TMC6: variants seen among roughly 807,000 people sequenced by gnomAD.
TMC6 encodes the protein transmembrane channel like 6, also known as transmembrane channel-like protein 6.
In TMC6, 71 loss-of-function variants were observed where a neutral mutation model predicts 95.4. The observed-to-expected ratio is 0.74, with a 90% CI of 0.61 to 0.91. TMC6 has a LOEUF of 0.91. Ranked by LOEUF, TMC6 falls within the 40% of genes least tolerant of loss-of-function variation. The pLI is 0.00. For missense variants in TMC6, 1,074 were observed against 1,079.1 expected (o/e 1.00, Z 0.07); for synonymous variants, 514 against 483.1 (o/e 1.06, Z -0.84).
intron 1 of TMC6, among the ~76,000 whole-genome samples, chr17:78,127,521 G>A (rs1050917516): frequency 6.6e-6 from 1 of 152,198 alleles, no homozygotes; most frequent in African/African-American, 2.4e-5. Context: ...CCGGCTGGGG[G>A]TGGCCAGGAC....
In TMC6 at chr17:78,125,845, C is replaced by A; in HGVS notation, c.311G>T (p.Arg104Leu). 6.4e-7 allele frequency: 1 copy of A among 1,552,280 alleles called. No homozygotes were observed. Among genetic ancestry groups the A allele is most frequent in the Non-Finnish European group, 8.7e-7 (1 of 1,147,778 alleles). Residue 104 changes from arginine (R) to leucine (L), a missense_variant, in exon 5 of 20, where the codon CGC (arginine) becomes CTC (leucine). Transcript: ENST00000590602. ...GCTCCTGCACCGAAGCTGCACCGTG[C>A]GGTTGTAGTACTGGGAGATGATGGC... ...RGAIISQYYN[R>L]TVQLRCRSSR...
chr17:78,131,833 T>C, upstream of TMC6: 1 of 1,184,256 alleles, frequency 8.4e-7, no homozygotes, highest in Non-Finnish European at 1.1e-6. Context: ...TTGGCCCGGG[T>C]GGGCAGGGCG....
Position 78,121,428 on chromosome 17 carries a change from C to T in TMC6, c.1383+128G>A. The T allele has an allele frequency of 6.6e-7, 1 of 1,506,278 alleles. No homozygotes were observed. Among genetic ancestry groups the T allele is most frequent in the Non-Finnish European group, 9.0e-7 (1 of 1,107,118 alleles). The allele number at this position is 1,506,278 out of a possible 1,614,324, so 93.3% of individuals were successfully genotyped here. A position where few individuals can be genotyped will look rare whatever the true frequency, so the allele number is the denominator to read the frequency against. On this transcript the variant is annotated intron_variant, in intron 11 of 19. Transcript: ENST00000590602. This position sits in a 1 kb window ranked among gnomAD's most constrained non-coding sequence, Gnocchi z 5.6. ...TCGGAGGGGGCCCCAGCACGGGGCACAGCGTACGTGGCACCCTGGGCTGGC... is the reference window on the plus strand; with the variant it reads ...TCGGAGGGGGCCCCAGCACGGGGCATAGCGTACGTGGCACCCTGGGCTGGC...
intron 9 of TMC6, chr17:78,123,048 G>T: frequency 1.9e-6 from 1 of 515,286 alleles, no homozygotes; most frequent in Non-Finnish European, 3.6e-6. Flanking sequence ...GCTCACCTCA[G>T]GGCCTTTGCA....
Position 78,124,908 on chromosome 17 carries a change from A to T in TMC6, c.614T>A (p.Leu205His). 6.3e-7 allele frequency: 1 copy of T among 1,596,684 alleles called. No homozygotes were observed. Among genetic ancestry groups the T allele is most frequent in the Non-Finnish European group, 8.5e-7 (1 of 1,173,680 alleles). ...CCATACCAGCACGCAGGCATATCTGAGCCGGCCACAGCAGGAGCAGACCCC... is the reference window on the plus strand; with the variant it reads ...CCATACCAGCACGCAGGCATATCTGTGCCGGCCACAGCAGGAGCAGACCCC... ...SGGVCSCCGR[L>H]RYACVLALHS... The change falls in exon 7 of 20, where the codon CTC becomes CAC. Residue 205 changes from leucine to histidine, a missense_variant. By Grantham distance (99) the Leu-to-His change is moderately conservative. Coordinates refer to ENST00000590602, the MANE Select transcript of TMC6 (RefSeq NM_001127198.5).
upstream of TMC6, chr17:78,132,189 A>G: frequency 7.2e-7 from 1 of 1,391,936 alleles, no homozygotes. Flanking sequence ...GGCACCGCAA[A>G]CCTCGGGCCC....
At position 78,124,805 on chromosome 17, in the gene TMC6, C is replaced by G. The variant is rs762629172; in HGVS notation, c.634-24G>C. 5.7e-6 allele frequency: 9 copies of G among 1,579,070 alleles called. No individual in the cohort carries two copies. In the East Asian group the frequency reaches 1.2e-4, roughly 20 times the overall value. ...GCCTGCGGGCACAGGCAGAGAGGCC[C>G]TGAGGGTGAGGCCGGAGGAGGCACT... On this transcript the variant is annotated intron_variant, in intron 7 of 19. Transcript: ENST00000590602.
chr17:78,117,544 C>T lies in TMC6; in HGVS notation c.2122G>A (p.Val708Ile). ...CGGTGCACCCAGGGCAGCCAGGAGA[C>T]CCTGGGGCCTGCCGCCTCCAGGTGG... is the stretch of plus-strand genomic sequence containing the variant. ...VRHLEAAGPR[V>I]SWLPWVHRYL... The change falls in exon 17 of 20, where the codon GTC becomes ATC. Residue 708 changes from valine (V) to isoleucine (I), a missense_variant. Val to Ile is a conservative substitution (Grantham distance 29). Coordinates refer to ENST00000590602, the MANE Select transcript of TMC6 (RefSeq NM_001127198.5). 1 of 1,601,050 alleles carries T rather than the reference C, an allele frequency of 6.2e-7. No homozygotes were observed. Among genetic ancestry groups the T allele is most frequent in the African/African-American group, 1.3e-5 (1 of 74,784 alleles).
At chr17:78,131,648 G>A (rs1420789594), upstream of TMC6, 3 of 1,560,912 alleles carry the variant, frequency 1.9e-6, no homozygotes, top group Admixed American at 3.8e-5. Context: ...AGCCGGAGGA[G>A]CTGTGGGAGG....
At position 78,128,637 on chromosome 17, in the gene TMC6, C is replaced by G. The variant is rs2074865870; in HGVS notation, c.-100G>C. On this transcript the variant is annotated 5_prime_UTR_variant, in exon 1 of 20. Transcript: ENST00000590602. This position sits in a 1 kb window ranked among gnomAD's most constrained non-coding sequence, Gnocchi z 4.0. ...CTGGGAGGCGCCGGGGAGGAGGGGC[C>G]GCGCGCGCAGCCAGGGCTCACCTGT... The G allele has an allele frequency of 6.6e-6, 1 of 152,228 alleles. No homozygotes were observed. The highest frequency in any genetic ancestry group is 1.5e-5 in the Non-Finnish European group (1 of 68,114). 9.4% of individuals were successfully genotyped at this position (152,228 alleles called of 1,614,324 possible).
In TMC6 at chr17:78,121,124, A is replaced by C; in HGVS notation, c.1424T>G (p.Leu475Arg). 2 of 1,609,552 alleles carry C rather than the reference A, an allele frequency of 1.2e-6. No individual in the cohort carries two copies. Residue 475 changes from leucine to arginine, a missense_variant, in exon 12 of 20, where the codon CTG becomes CGG. Physicochemically the swap from Leu to Arg is moderately radical, Grantham distance 102. Transcript: ENST00000590602. This position sits in a 1 kb window ranked among gnomAD's most constrained non-coding sequence, Gnocchi z 5.6. ...GTTGAGGAGGCCAACCACCAGGGGC[A>C]GGACCAGCAGCACAGCCTCCTGGCC... ...AAGQEAVLLV[L>R]PLVVGLLNLG...
intron 4 of TMC6, 26 bp downstream of exon 4, chr17:78,126,245 GGGCCGA>G (rs748645728): frequency 3.9e-6 from 6 of 1,542,682 alleles, no homozygotes; most frequent in South Asian, 2.4e-5. Context: ...CTCGGGGCCG[GGGCCGA>G]GGCCGAGGCT....
At chr17:78,126,041 A>G (rs1598874504) in intron 4 of TMC6, 157 bp from the exon 5 acceptor site, 1 of 1,214,384 alleles carries the variant, frequency 8.2e-7, no homozygotes. Flanking sequence ...CCGAAAGCCT[A>G]TTTTTACCCC....
At chr17:78,118,407 T>A (rs984124018) in intron 15 of TMC6, among the ~76,000 whole-genome samples, 3 of 151,928 alleles carry the variant, frequency 2.0e-5, no homozygotes, top group African/African-American at 7.3e-5. Context: ...TACAAAAAAA[T>A]TAGCTGGGTG....
rs754878859 is a variant in TMC6 at position 78,121,564 on chromosome 17, T to C, written c.1375A>G (p.Met459Val). 9 of 1,611,092 alleles carry C rather than the reference T, an allele frequency of 5.6e-6. No homozygotes were observed. The African/African-American group carries it at 1.2e-4, about 22-fold the overall frequency. The change falls in exon 11 of 20, where the codon ATG (methionine) becomes GTG (valine). Residue 459 changes from methionine to valine, a missense_variant. Coordinates refer to ENST00000590602, the MANE Select transcript of TMC6 (RefSeq NM_001127198.5). The surrounding 1 kb of genome is among the most constrained non-coding windows in gnomAD (Gnocchi z 5.6). ...AVAVHVFSEF[M>V]IQSPEAAGQE... ...TCCCCCCATCCCCGCACCTGGATCA[T>C]GAACTCCGAGAAGACGTGGACGGCC... is the stretch of plus-strand genomic sequence containing the variant.
intron 18 of TMC6, among the ~76,000 whole-genome samples, chr17:78,115,436 G>A (rs150556890): frequency 2.6e-4 from 39 of 152,304 alleles, no homozygotes; most frequent in Middle Eastern, 6.8e-3. Flanking sequence ...GCCCTAGGGG[G>A]AGGGCAGAGC....
At chr17:78,126,243 C>T (rs769905313) in intron 4 of TMC6, 34 bp downstream of exon 4, 49 of 1,541,916 alleles carry the variant, frequency 3.2e-5, no homozygotes, top group African/African-American at 2.7e-4. Flanking sequence ...AACTCGGGGC[C>T]GGGGCCGAGG....
rs1240504365 is a variant in TMC6 at position 78,124,733 on chromosome 17, T to A, written c.682A>T (p.Met228Leu). Reference sequence around the variant, plus strand: ...CGCTTCAGGGCGTAGCGCCACGGCATCAGGGCCTGCAGGGCGGAGAGCAGC... The same window carrying A: ...CGCTTCAGGGCGTAGCGCCACGGCAACAGGGCCTGCAGGGCGGAGAGCAGC... The part of the protein sequence containing the change: ...LALLSALQAL[M>L]PWRYALKRIG... The change falls in exon 8 of 20, where the codon ATG becomes TTG. Residue 228 changes from methionine (M) to leucine (L), a missense_variant. By Grantham distance (15) the Met-to-Leu change is conservative. Coordinates refer to ENST00000590602, the MANE Select transcript of TMC6 (RefSeq NM_001127198.5). The A allele has an allele frequency of 6.3e-7, 1 of 1,589,328 alleles. No individual in the cohort carries two copies. Among genetic ancestry groups the A allele is most frequent in the Non-Finnish European group, 8.6e-7 (1 of 1,168,486 alleles).
intron 15 of TMC6, among the ~76,000 whole-genome samples, chr17:78,118,351 C>G (rs2074238227): frequency 6.6e-6 from 1 of 151,896 alleles, no homozygotes; most frequent in Non-Finnish European, 1.5e-5. Context: ...GTCAGGAGAT[C>G]AAGACCATCC....
Sources: allele counts gnomAD v4.1 joint callset (sites outside exome capture counted in the v4.1 genomes callset), GRCh38; gene constraint gnomAD v4.1.1; non-coding constraint Gnocchi (gnomAD v3.1); transcripts MANE v1.5; gene names NCBI Gene and HGNC (gene_info 2026-07-23, HGNC 2026-07-21).